Variants in DYNC1LI1 observed in about 807,000 individuals in gnomAD.
DYNC1LI1 encodes the protein dynein cytoplasmic 1 light intermediate chain 1.
DYNC1LI1 carries 19 observed loss-of-function variants against 63.8 expected under a neutral mutation model. The ratio of observed to expected loss-of-function variants is 0.30; its 90% CI spans 0.21 to 0.44. The LOEUF is 0.44. Among genes scored for constraint, DYNC1LI1 ranks in the 20% least tolerant of loss-of-function variants. The pLI is 1.00. For missense variants in DYNC1LI1, 565 were observed against 630.2 expected, an observed-to-expected ratio of 0.90 and a Z score of 1.11; for synonymous variants, 225 against 232.3, an observed-to-expected ratio of 0.97 and a Z score of 0.28.
chr3:32,570,810 T>G lies in DYNC1LI1; in HGVS notation c.-40A>C. The G allele has an allele frequency of 1.3e-6, 2 of 1,559,840 alleles. No homozygotes were observed. The highest frequency in any genetic ancestry group is 1.2e-5 in the South Asian group (1 of 86,304). ...ACACCACTCCCGGCAAGACTAAATG[T>G]GCGAGGCGGCTGAGGCGGTGGCGGT... On this transcript the variant is annotated 5_prime_UTR_variant, in exon 1 of 13. Transcript: ENST00000273130.
intron 2 of DYNC1LI1, among the ~76,000 whole-genome samples, chr3:32,546,886 AG>A (rs1697962516): frequency 6.6e-6 from 1 of 152,154 alleles, no homozygotes; most frequent in African/African-American, 2.4e-5. Flanking sequence ...TAGACTTAAA[AG>A]TATTAATGAC....
At chr3:32,540,496 A>G (rs1373653146) in intron 5 of DYNC1LI1, among the ~76,000 whole-genome samples, 1 of 151,966 alleles carries the variant, frequency 6.6e-6, no homozygotes, top group Non-Finnish European at 1.5e-5. Context: ...GCTGGCCAAC[A>G]TGGTGAAAGC....
intron 6 of DYNC1LI1, among the ~76,000 whole-genome samples, chr3:32,535,156 A>C (rs1004183444): frequency 1.3e-5 from 2 of 152,226 alleles, no homozygotes; most frequent in South Asian, 4.1e-4. Flanking sequence ...TTGAAAGGTG[A>C]GCCAGCAGGT....
intron 4 of DYNC1LI1, among the ~76,000 whole-genome samples, chr3:32,541,986 C>A (rs1697888398): frequency 6.6e-6 from 1 of 151,966 alleles, no homozygotes; most frequent in Admixed American, 6.6e-5. Context: ...TATACACAAC[C>A]ATAAGATGTC....
chr3:32,526,683 T>C lies in DYNC1LI1; in HGVS notation c.*116A>G. 1 of 712,194 alleles carries C rather than the reference T, an allele frequency of 1.4e-6. No homozygotes were observed. The highest frequency in any genetic ancestry group is 2.4e-6 in the Non-Finnish European group (1 of 414,324). 44.1% of individuals were successfully genotyped at this position (712,194 alleles called of 1,614,324 possible). A position where few individuals can be genotyped will look rare whatever the true frequency, so the allele number is the denominator to read the frequency against. On this transcript the variant is annotated 3_prime_UTR_variant, in exon 13 of 13. Transcript: ENST00000273130. ...CACACACACACACACACACACGACATAAATTTAGTCCATCTGAAGAAGCAC... is the reference window on the plus strand; with the variant it reads ...CACACACACACACACACACACGACACAAATTTAGTCCATCTGAAGAAGCAC...
At chr3:32,528,872 C>A (rs1295530851) in intron 11 of DYNC1LI1, among the ~76,000 whole-genome samples, 2 of 152,070 alleles carry the variant, frequency 1.3e-5, no homozygotes, top group Non-Finnish European at 2.9e-5. Context: ...ATATATATCT[C>A]CCTTTTGAAA....
chr3:32,568,951 T>C (rs1394681897), intron 2 of DYNC1LI1, among the ~76,000 whole-genome samples: 2 of 152,212 alleles, frequency 1.3e-5, no homozygotes, highest in East Asian at 3.8e-4. Context: ...TTTTGCCCTA[T>C]GAATATCACT....
At chr3:32,569,538 A>G (rs551374215) in intron 2 of DYNC1LI1, among the ~76,000 whole-genome samples, 22 of 152,158 alleles carry the variant, frequency 1.4e-4, no homozygotes, top group Non-Finnish European at 2.5e-4. Flanking sequence ...TATAAGCCAA[A>G]CTTCAGTTAT....
At chr3:32,554,162 A>C (rs1698080505) in intron 2 of DYNC1LI1, among the ~76,000 whole-genome samples, 1 of 152,238 alleles carries the variant, frequency 6.6e-6, no homozygotes, top group African/African-American at 2.4e-5. Context: ...ACTTCCTCTG[A>C]GTGACAGGTG....
chr3:32,562,648 CT>C (rs778206365), intron 2 of DYNC1LI1, among the ~76,000 whole-genome samples: 1 of 152,146 alleles, frequency 6.6e-6, no homozygotes, highest in Non-Finnish European at 1.5e-5. Flanking sequence ...ATCTTCTTAC[CT>C]TTTTTTAAAT....
intron 2 of DYNC1LI1, among the ~76,000 whole-genome samples, chr3:32,558,787 G>T (rs531334600): frequency 6.6e-6 from 1 of 151,674 alleles, no homozygotes; most frequent in East Asian, 1.9e-4. Flanking sequence ...CAGAGGCTGC[G>T]GTAAGCCAAG....
chr3:32,550,679 G>A (rs1013113599), intron 2 of DYNC1LI1, among the ~76,000 whole-genome samples: 1 of 152,106 alleles, frequency 6.6e-6, no homozygotes, highest in Non-Finnish European at 1.5e-5. Context: ...TTTGTTATAA[G>A]GTATCAGAAT....
intron 5 of DYNC1LI1, among the ~76,000 whole-genome samples, chr3:32,540,320 G>A (rs1300280040): frequency 6.6e-6 from 1 of 151,956 alleles, no homozygotes; most frequent in Non-Finnish European, 1.5e-5. Context: ...TATATAATGA[G>A]TGCTGCTACA....
At position 32,564,409 on chromosome 3, in the gene DYNC1LI1, AAT is replaced by A. The variant is rs758531655; in HGVS notation, c.220+5935_220+5936del. On this transcript the variant is annotated intron_variant, in intron 2 of 12. Coordinates refer to ENST00000273130, the MANE Select transcript of DYNC1LI1 (RefSeq NM_016141.4). ...AACTGGCTTGCTGCCTGTTTTTATAAATAAAGTTTTATTGAAACAAGCCTGTA... is the reference window on the plus strand; with the variant it reads ...AACTGGCTTGCTGCCTGTTTTTATAAAAAGTTTTATTGAAACAAGCCTGTA... 1.3e-4 allele frequency among the ~76,000 whole-genome samples: 20 copies of A among 152,356 alleles called. No individual in the cohort carries two copies. The East Asian group carries it at 1.3e-3, about 10-fold the overall frequency.
At chr3:32,535,780 A>G (rs1697766410) in intron 6 of DYNC1LI1, among the ~76,000 whole-genome samples, 1 of 152,180 alleles carries the variant, frequency 6.6e-6, no homozygotes, top group Non-Finnish European at 1.5e-5. Flanking sequence ...TTATCTTGAG[A>G]TGACTTCTCA....
At chr3:32,545,726 G>T in intron 3 of DYNC1LI1, 123 bp downstream of exon 3, 1 of 741,656 alleles carries the variant, frequency 1.3e-6, no homozygotes, top group South Asian at 1.5e-5. Context: ...GCTATTTCTT[G>T]ACCAGCATGA....
rs1559436370 is a variant in DYNC1LI1 at position 32,537,984 on chromosome 3, T to TTTATATATATA, written c.739-881_739-880insTATATATATAA. Among the ~76,000 whole-genome samples, 39 of 23,572 alleles carry TTTATATATATA rather than the reference T, an allele frequency of 1.7e-3. 1 individual carries two copies. The highest frequency in any genetic ancestry group is 1.8e-3 in the Non-Finnish European group (27 of 14,608). The allele number at this position is 23,572 out of a possible 152,430, so 15.5% of individuals were successfully genotyped here. A position where few individuals can be genotyped will look rare whatever the true frequency, so the allele number is the denominator to read the frequency against. On this transcript the variant is annotated intron_variant, in intron 5 of 12. Transcript: ENST00000273130. ...ATAATATATATATATTTATATATAA[T>TTTATATATATA]ATATATATATAATTTATATATATAA...
chr3:32,544,773 C>T, intron 4 of DYNC1LI1, 103 bp downstream of exon 4: 1 of 765,282 alleles, frequency 1.3e-6, no homozygotes. Flanking sequence ...TTACAATATG[C>T]TTACTTCATT....
At chr3:32,544,496 C>CA (rs1354309351) in intron 4 of DYNC1LI1, among the ~76,000 whole-genome samples, 1 of 151,930 alleles carries the variant, frequency 6.6e-6, no homozygotes, top group Non-Finnish European at 1.5e-5. Context: ...ACAGGCTGGG[C>CA]CGGTGGCTCA....
Sources: allele counts gnomAD v4.1 joint callset (sites outside exome capture counted in the v4.1 genomes callset), GRCh38; gene constraint gnomAD v4.1.1; transcripts MANE v1.5; gene names NCBI Gene and HGNC (gene_info 2026-07-23, HGNC 2026-07-21).